Variants in LRRC37A2 observed in about 807,000 individuals in gnomAD.
LRRC37A2 encodes leucine-rich repeat-containing protein 37A2.
Under a neutral mutation model 68.8 loss-of-function variants are expected in LRRC37A2, and 9 were observed. That is an observed-to-expected ratio of 0.13 (90% CI 0.08 to 0.23). The LOEUF (loss-of-function observed/expected upper bound fraction) is 0.23, where lower values mean the gene tolerates loss of function less well. Among genes scored for constraint, LRRC37A2 ranks in the 10% least tolerant of loss-of-function variants. LRRC37A2 has a pLI of 1.00. For missense variants in LRRC37A2, 168 were observed against 950.4 expected, an observed-to-expected ratio of 0.18 and a Z score of 10.82; for synonymous variants, 63 against 367.6, an observed-to-expected ratio of 0.17 and a Z score of 9.48.
chr17:46,948,232 C>T, the LRRC37A2 span, among the ~76,000 whole-genome samples: 1 of 152,226 alleles, frequency 6.6e-6, no homozygotes, highest in Admixed American at 6.5e-5. Context: ...TAATGCCCAT[C>T]TCACAGGGCA....
At chr17:47,026,638 A>C in the LRRC37A2 span, among the ~76,000 whole-genome samples, 1 of 152,220 alleles carries the variant, frequency 6.6e-6, no homozygotes, top group Non-Finnish European at 1.5e-5. Flanking sequence ...TACACCATCC[A>C]GGTAAAGAGG....
At chr17:46,490,193 A>G in the LRRC37A2 span, among the ~76,000 whole-genome samples, 1 of 151,198 alleles carries the variant, frequency 6.6e-6, no homozygotes, top group Non-Finnish European at 1.5e-5. Context: ...CCACCTGGCT[A>G]TGTCACAGCT....
the LRRC37A2 span, among the ~76,000 whole-genome samples, chr17:46,966,172 A>G: frequency 4.9e-4 from 75 of 152,260 alleles, no homozygotes; most frequent in Non-Finnish European, 4.4e-5. Context: ...CAGAGTAAGA[A>G]GTGCTCACAA....
chr17:46,791,645 G>A, the LRRC37A2 span, among the ~76,000 whole-genome samples: 16 of 152,172 alleles, frequency 1.1e-4, no homozygotes, highest in Non-Finnish European at 2.2e-4. Context: ...AGGGTGCTGG[G>A]GCACAGGGAG....
chr17:46,767,405 T>A, the LRRC37A2 span, among the ~76,000 whole-genome samples: 1 of 152,180 alleles, frequency 6.6e-6, no homozygotes, highest in Non-Finnish European at 1.5e-5. Context: ...CCCACCTCCC[T>A]GAGGTTGGTA....
the LRRC37A2 span, among the ~76,000 whole-genome samples, chr17:46,786,436 C>A: frequency 6.6e-6 from 1 of 152,190 alleles, no homozygotes; most frequent in Non-Finnish European, 1.5e-5. Flanking sequence ...GGGCCTAGGC[C>A]CAGAGGGGTG....
the LRRC37A2 span, among the ~76,000 whole-genome samples, chr17:46,943,950 G>C: frequency 6.6e-6 from 1 of 152,100 alleles, no homozygotes; most frequent in Non-Finnish European, 1.5e-5. Flanking sequence ...GGACAGGCGT[G>C]ACTAATGCAG....
At chr17:46,833,278 T>C in the LRRC37A2 span, 3 of 472,724 alleles carry the variant, frequency 6.3e-6, no homozygotes, top group African/African-American at 3.9e-5. Context: ...GGGTGATGGC[T>C]CCTTCCACAA....
the LRRC37A2 span, among the ~76,000 whole-genome samples, chr17:46,866,412 G>A: frequency 1.3e-5 from 2 of 151,972 alleles, no homozygotes; most frequent in Non-Finnish European, 2.9e-5. Flanking sequence ...GTGTGCATGA[G>A]TGTATGTGCG....
At chr17:46,437,735 C>A in the LRRC37A2 span, among the ~76,000 whole-genome samples, 2 of 148,050 alleles carry the variant, frequency 1.4e-5, no homozygotes, top group Non-Finnish European at 3.0e-5. Flanking sequence ...TCTAGAATCC[C>A]ATCATGAGGG....
At chr17:46,980,113 C>T in the LRRC37A2 span, among the ~76,000 whole-genome samples, 1 of 127,498 alleles carries the variant, frequency 7.8e-6, no homozygotes, top group African/African-American at 2.8e-5. Flanking sequence ...CCGCCCCCAA[C>T]CTCCCCACCC....
At chr17:46,882,735 G>A in the LRRC37A2 span, among the ~76,000 whole-genome samples, 4 of 152,248 alleles carry the variant, frequency 2.6e-5, no homozygotes, top group East Asian at 7.7e-4. Context: ...CAGCAAACAC[G>A]GATTGGTGGC....
At chr17:46,955,578 G>GA in the LRRC37A2 span, 1 of 152,088 alleles carries the variant, frequency 6.6e-6, no homozygotes, top group Non-Finnish European at 1.5e-5. Flanking sequence ...ACTTATTAAG[G>GA]AAAAACTCAT....
At chr17:46,549,491 G>C (rs2056583967) in exon 10 of LRRC37A2, 3 of 1,446,358 alleles carry the variant, frequency 2.1e-6, no homozygotes, top group Admixed American at 2.0e-5. Context: ...AACAACGTGG[G>C]CACTGACCTG....
the LRRC37A2 span, chr17:46,833,579 C>T: frequency 3.4e-5 from 13 of 379,802 alleles, no homozygotes; most frequent in Non-Finnish European, 6.8e-5. Flanking sequence ...GTCTCCTGCT[C>T]AGTGTGGTGG....
At chr17:46,747,112 C>T in the LRRC37A2 span, among the ~76,000 whole-genome samples, 2 of 152,156 alleles carry the variant, frequency 1.3e-5, no homozygotes, top group Non-Finnish European at 2.9e-5. Flanking sequence ...TGAAGCCCCC[C>T]GACACAGTAT....
chr17:47,015,154 C>G, the LRRC37A2 span, among the ~76,000 whole-genome samples: 1 of 151,722 alleles, frequency 6.6e-6, no homozygotes, highest in Admixed American at 6.6e-5. Flanking sequence ...ATTATAGACA[C>G]GCGTCACCAC....
At chr17:46,392,314 C>T in the LRRC37A2 span, among the ~76,000 whole-genome samples, 2 of 70,352 alleles carry the variant, frequency 2.8e-5, no homozygotes, top group Non-Finnish European at 6.8e-5. Flanking sequence ...TGGGCTCAAA[C>T]CTCTCACCTT....
the LRRC37A2 span, among the ~76,000 whole-genome samples, chr17:46,779,103 A>ACACACACACACCCCCCCC: frequency 1.5e-5 from 2 of 133,586 alleles, no homozygotes; most frequent in East Asian, 2.5e-4. Context: ...ACACACACAC[A>ACACACACACACCCCCCCC]CCCCAGCCCA....
Sources: allele counts gnomAD v4.1 joint callset (sites outside exome capture counted in the v4.1 genomes callset), GRCh38; gene constraint gnomAD v4.1.1; transcripts MANE v1.5; gene names NCBI Gene and HGNC (gene_info 2026-07-23, HGNC 2026-07-21).